The following KNTC1 variants were observed in gnomAD, a reference collection of about 807,000 sequenced individuals.
KNTC1 encodes kinetochore associated 1.
A neutral mutation model predicts 314.4 loss-of-function variants in KNTC1; 253 were observed. That is an observed-to-expected ratio of 0.80 (90% CI 0.73 to 0.89). The LOEUF (loss-of-function observed/expected upper bound fraction) is 0.89. Among genes scored for constraint, KNTC1 ranks in the 40% least tolerant of loss-of-function variants. KNTC1 has a pLI of 0.00. For missense variants in KNTC1, 2,475 were observed against 2,572.9 expected (o/e 0.96, Z 0.82); for synonymous variants, 901 against 901.4 (o/e 1.00, Z 0.01).
At position 122,602,586 on chromosome 12, in the gene KNTC1, A is replaced by G. The variant is rs1224811573; in HGVS notation, c.4671A>G (p.Lys1557=). 6.2e-7 allele frequency: 1 copy of G among 1,607,820 alleles called. No individual in the cohort carries two copies. Among genetic ancestry groups the G allele is most frequent in the Non-Finnish European group, 8.5e-7 (1 of 1,175,674 alleles). The change falls in exon 46 of 64, where the codon AAA becomes AAG. Residue 1557 remains lysine (K), a synonymous_variant. Transcript: ENST00000333479. The part of the protein sequence containing the change: ...ININQALSIL[K]HLKSYRRISP... ...TAATATAGGCATTGAGTATTCTGAA[A>G]CATTTGAAGTCATACAGAAGAATTT... is the stretch of plus-strand genomic sequence containing the variant.
chr12:122,613,590 A>G, intron 54 of KNTC1, 36 bp from the exon 55 acceptor site: 1 of 1,557,522 alleles, frequency 6.4e-7, no homozygotes. Flanking sequence ...AATGTGGCCT[A>G]TGAGAATGAT....
At position 122,576,883 on chromosome 12, in the gene KNTC1, T is replaced by G. The variant is rs1196345650; in HGVS notation, c.2587-12T>G. 1.3e-6 allele frequency: 2 copies of G among 1,544,456 alleles called. No individual in the cohort carries two copies. The highest frequency in any genetic ancestry group is 2.8e-5 in the African/African-American group (2 of 71,562). On this transcript the variant is annotated splice_polypyrimidine_tract_variant and intron_variant, in intron 29 of 63. Transcript: ENST00000333479. ...TTCTATAACAAAGAAATGTTCATATTGTCTTTTGCAGAGAGTGGTTAGATA... is the reference window on the plus strand; with the variant it reads ...TTCTATAACAAAGAAATGTTCATATGGTCTTTTGCAGAGAGTGGTTAGATA...
At chr12:122,626,183 T>A (rs755796669) in intron 63 of KNTC1, 22 bp from the exon 64 acceptor site, 1 of 1,547,730 alleles carries the variant, frequency 6.5e-7, no homozygotes, top group Non-Finnish European at 8.9e-7. Flanking sequence ...TAAAAATCAC[T>A]TCTGTGTTTC....
At position 122,575,874 on chromosome 12, in the gene KNTC1, T is replaced by G; in HGVS notation, c.2561T>G (p.Val854Gly). 1 of 1,612,452 alleles carries G rather than the reference T, an allele frequency of 6.2e-7. No homozygotes were observed. The highest frequency in any genetic ancestry group is 8.5e-7 in the Non-Finnish European group (1 of 1,179,468). The change falls in exon 29 of 64, where the codon GTA becomes GGA. Residue 854 changes from valine (V) to glycine (G), a missense_variant. Val to Gly is a moderately radical substitution (Grantham distance 109, BLOSUM62 -3). Coordinates refer to ENST00000333479, the MANE Select transcript of KNTC1 (RefSeq NM_014708.6). ...TTACGAGGCTATGGAATAAGAGAGG[T>G]AAATCTCTTAAACAAGGAAATAATG... ...KLLRGYGIRE[V>G]NLLNKEIMRV...
At chr12:122,529,000 G>A (rs1382755029) in intron 1 of KNTC1, among the ~76,000 whole-genome samples, 2 of 151,942 alleles carry the variant, frequency 1.3e-5, no homozygotes, top group East Asian at 1.9e-4. Flanking sequence ...ACACCACCAC[G>A]CCCGGCTAAT....
At chr12:122,585,212 AT>A (rs1214345753) in intron 36 of KNTC1, among the ~76,000 whole-genome samples, 1 of 150,264 alleles carries the variant, frequency 6.7e-6, no homozygotes, top group Non-Finnish European at 1.5e-5. Context: ...TTAAAAAAAA[AT>A]TTTTTTTTTG....
chr12:122,614,024 T>G (rs1288330318), intron 55 of KNTC1, among the ~76,000 whole-genome samples: 1 of 151,990 alleles, frequency 6.6e-6, no homozygotes, highest in Non-Finnish European at 1.5e-5. Flanking sequence ...AGAGATGAGG[T>G]TTCACCATAT....
At chr12:122,563,184 T>G (rs562467085) in intron 20 of KNTC1, among the ~76,000 whole-genome samples, 1 of 152,060 alleles carries the variant, frequency 6.6e-6, no homozygotes, top group Admixed American at 6.6e-5. Flanking sequence ...CATTTCTTCT[T>G]TTTTGAGACA....
At position 122,551,325 on chromosome 12, in the gene KNTC1, A is replaced by G. The variant is rs372604813; in HGVS notation, c.1093A>G (p.Ile365Val). 1.3e-6 allele frequency: 2 copies of G among 1,570,520 alleles called. No individual in the cohort carries two copies. The highest frequency in any genetic ancestry group is 1.7e-6 in the Non-Finnish European group (2 of 1,145,998). The change falls in exon 14 of 64, where the codon ATA (isoleucine) becomes GTA (valine). Residue 365 changes from isoleucine (I) to valine (V), a missense_variant. Coordinates refer to ENST00000333479, the MANE Select transcript of KNTC1 (RefSeq NM_014708.6). ...TGTTTTTTTGTTATTGTAGGATACC[A>G]TATACCTTTTAGAAGGAGTTTGCAA... ...LVQTGISTDT[I>V]YLLEGVCKND...
At chr12:122,606,017 T>TGG (rs200741496) in intron 51 of KNTC1, among the ~76,000 whole-genome samples, 19 of 144,850 alleles carry the variant, frequency 1.3e-4, no homozygotes, top group Non-Finnish European at 2.3e-4. Context: ...TAATGTTTTG[T>TGG]TTTTTTTGTT....
chr12:122,556,688 C>T (rs1382814073), intron 16 of KNTC1, among the ~76,000 whole-genome samples: 1 of 151,362 alleles, frequency 6.6e-6, no homozygotes, highest in Non-Finnish European at 1.5e-5. Flanking sequence ...GTATCGAACT[C>T]CTGACCTCAA....
Position 122,586,749 on chromosome 12 carries a change from T to G in KNTC1, c.3722T>G (p.Leu1241Arg). ...TCTACCAGTTTGCCATACTGCTCCCTTAATGAAGGTATTTGGCACAAGAAA... is the reference window on the plus strand; with the variant it reads ...TCTACCAGTTTGCCATACTGCTCCCGTAATGAAGGTATTTGGCACAAGAAA... ...LESTSLPYCSLNEGDGLVLPV... is the reference protein window; with the variant it reads ...LESTSLPYCSRNEGDGLVLPV... The change falls in exon 38 of 64, where the codon CTT becomes CGT. Residue 1241 changes from leucine to arginine, a missense_variant. Physicochemically the swap from Leu to Arg is moderately radical, Grantham distance 102. Coordinates refer to ENST00000333479, the MANE Select transcript of KNTC1 (RefSeq NM_014708.6). 7.0e-7 allele frequency: 1 copy of G among 1,421,452 alleles called. No homozygotes were observed. Among genetic ancestry groups the G allele is most frequent in the Admixed American group, 2.0e-5 (1 of 49,068 alleles). The allele number at this position is 1,421,452 out of a possible 1,614,324, so 88.1% of individuals were successfully genotyped here. A position where few individuals can be genotyped will look rare whatever the true frequency, so the allele number is the denominator to read the frequency against.
rs115550133 is a variant in KNTC1, at chr12:122,561,524, G to T, written c.1489-397G>T. On this transcript the variant is annotated intron_variant, in intron 18 of 63. Coordinates refer to ENST00000333479, the MANE Select transcript of KNTC1 (RefSeq NM_014708.6). ...GCTGGAGTGCAGTGGTGGGATCTCG[G>T]CTCATGGCAACCTCAGCCTCTCGGG... Among the ~76,000 whole-genome samples, 341 of 151,954 alleles carry T rather than the reference G, an allele frequency of 2.2e-3. 3 individuals are homozygous for T. The highest frequency in any genetic ancestry group is 8.0e-3 in the African/African-American group (330 of 41,426).
rs1025070681 is a variant in KNTC1, at chr12:122,620,599, G to A, written c.6270G>A (p.Gln2090=). The change falls in exon 60 of 64, where the codon CAG becomes CAA. Residue 2090 remains glutamine (Q), a synonymous_variant. Coordinates refer to ENST00000333479, the MANE Select transcript of KNTC1 (RefSeq NM_014708.6). ...MLMPHSEKRH[Q]QIKNFLGSCD... is the part of the protein sequence containing the mutation. ...TGCCCCACTCAGAGAAAAGACACCA[G>A]CAAATTAAGGTATCGTGCACATGAT... 4 of 1,613,126 alleles carry A rather than the reference G, an allele frequency of 2.5e-6. No individual in the cohort carries two copies. The highest frequency in any genetic ancestry group is 1.3e-5 in the African/African-American group (1 of 74,914).
intron 55 of KNTC1, 109 bp downstream of exon 55, chr12:122,613,870 T>C (rs1873457814): frequency 1.8e-6 from 2 of 1,140,022 alleles, no homozygotes; most frequent in African/African-American, 3.2e-5. Context: ...GGACAGAGTT[T>C]TGCTCTGTTG....
At position 122,587,834 on chromosome 12, in the gene KNTC1, ACT is replaced by A. The variant is rs1301331806; in HGVS notation, c.3857_3858del (p.Ser1286CysfsTer11). On this transcript the variant is annotated frameshift_variant, in exon 39 of 64. Coordinates refer to ENST00000333479, the MANE Select transcript of KNTC1 (RefSeq NM_014708.6). LOFTEE classifies it high-confidence loss of function. ...GGTTCATTTGGTACCTGTCTTCAGC[ACT>A]CTGTGTCAAACTTCATGAATGCCAC... 3.7e-6 allele frequency: 6 copies of A among 1,613,806 alleles called. No individual in the cohort carries two copies. The highest frequency in any genetic ancestry group is 3.4e-6 in the Non-Finnish European group (4 of 1,179,826).
At chr12:122,601,025 A>G (rs1191057123) in intron 44 of KNTC1, among the ~76,000 whole-genome samples, 4 of 152,068 alleles carry the variant, frequency 2.6e-5, no homozygotes, top group African/African-American at 9.7e-5. Flanking sequence ...TTTAGCATGT[A>G]TGTTTATCCT....
rs1962038770 is a variant in KNTC1 at position 122,538,586 on chromosome 12, TG to T, written c.366+133del. The T allele has an allele frequency of 1.4e-5, 8 of 569,312 alleles. No individual in the cohort carries two copies. The East Asian group carries it at 2.3e-4, about 17-fold the overall frequency. The allele number at this position is 569,312 out of a possible 1,614,324, so 35.3% of individuals were successfully genotyped here. A position where few individuals can be genotyped will look rare whatever the true frequency, so the allele number is the denominator to read the frequency against. On this transcript the variant is annotated intron_variant, in intron 4 of 63. Coordinates refer to ENST00000333479, the MANE Select transcript of KNTC1 (RefSeq NM_014708.6). ...AATGTTTTTTTGAACAATTAAGCTT[TG>T]AAGGTGTTACCACAGCTTGGATCCT...
At chr12:122,624,358 T>A (rs1275932292) in intron 62 of KNTC1, among the ~76,000 whole-genome samples, 1 of 152,100 alleles carries the variant, frequency 6.6e-6, no homozygotes, top group Non-Finnish European at 1.5e-5. Context: ...TGCCCCAACC[T>A]CCTGGGTTCA....
Sources: gnomAD v4.1 joint callset for allele counts (sites outside exome capture counted in the v4.1 genomes callset) on GRCh38, gnomAD v4.1.1 for gene constraint, MANE v1.5 for transcripts, NCBI Gene and HGNC (gene_info 2026-07-23, HGNC 2026-07-21) for gene names.